The following ADARB2 variants were observed in gnomAD, a reference collection of about 807,000 sequenced individuals.
The protein encoded by ADARB2 is adenosine deaminase RNA specific B2 (inactive).
A neutral mutation model predicts 62.2 loss-of-function variants in ADARB2; 25 were observed. The ratio of observed to expected loss-of-function variants is 0.40; its 90% CI spans 0.29 to 0.56. The LOEUF is 0.56. ADARB2 is among the 20% of genes least tolerant of loss of function. The pLI, the probability that ADARB2 is intolerant of heterozygous loss-of-function variation, is 0.43. For missense variants in ADARB2, 1,071 were observed against 1,077.4 expected, an observed-to-expected ratio of 0.99 and a Z score of 0.08; for synonymous variants, 572 against 500.8, an observed-to-expected ratio of 1.14 and a Z score of -1.90.
intron 1 of ADARB2, among the ~76,000 whole-genome samples, chr10:1,415,198 TGGTGGATGGATG>T (rs1187413787): frequency 3.3e-5 from 5 of 150,798 alleles, no homozygotes; most frequent in African/African-American, 1.2e-4. Flanking sequence ...GGTGAACAGA[TGGTGGATGGATG>T]GGTGGATGGG....
intron 1 of ADARB2, among the ~76,000 whole-genome samples, chr10:1,658,309 CTCTA>C (rs1173730172): frequency 3.3e-5 from 5 of 152,008 alleles, no homozygotes; most frequent in South Asian, 2.1e-4. Flanking sequence ...TTCTGTCTCT[CTCTA>C]TCTGATTCTG....
intron 1 of ADARB2, among the ~76,000 whole-genome samples, chr10:1,672,492 TGCC>T (rs1433586813): frequency 6.6e-6 from 1 of 152,176 alleles, no homozygotes; most frequent in African/African-American, 2.4e-5. Flanking sequence ...CTCTGACGGA[TGCC>T]GCCTCCAGGC....
chr10:1,282,033 C>G (rs948847401), intron 3 of ADARB2, among the ~76,000 whole-genome samples: 1 of 152,184 alleles, frequency 6.6e-6, no homozygotes, highest in Non-Finnish European at 1.5e-5. Flanking sequence ...TTTCCCATGA[C>G]GGCTTCAGCA....
chr10:1,703,069 C>T (rs558421528), intron 1 of ADARB2, among the ~76,000 whole-genome samples: 31 of 152,262 alleles, frequency 2.0e-4, no homozygotes, highest in African/African-American at 6.7e-4. Flanking sequence ...TGTGGGATAG[C>T]GAGTTGCATG....
intron 1 of ADARB2, among the ~76,000 whole-genome samples, chr10:1,440,036 C>T (rs1830885759): frequency 6.6e-6 from 1 of 150,892 alleles, no homozygotes; most frequent in South Asian, 2.1e-4. Context: ...GATGGGGCTC[C>T]TGAGTCTCCT....
intron 1 of ADARB2, among the ~76,000 whole-genome samples, chr10:1,583,875 T>C (rs1215394218): frequency 6.6e-6 from 1 of 151,810 alleles, no homozygotes; most frequent in Non-Finnish European, 1.5e-5. Context: ...AAATACAGGG[T>C]TAGGGTTAAG....
intron 1 of ADARB2, among the ~76,000 whole-genome samples, chr10:1,617,606 T>C (rs1833658274): frequency 1.4e-5 from 2 of 146,690 alleles, no homozygotes; most frequent in African/African-American, 5.1e-5. Context: ...CCTGCTGAGC[T>C]CTGCATCCTG....
intron 4 of ADARB2, among the ~76,000 whole-genome samples, chr10:1,249,862 G>T (rs985117126): frequency 6.6e-6 from 1 of 151,726 alleles, no homozygotes; most frequent in African/African-American, 2.4e-5. Flanking sequence ...CAATGAGAGA[G>T]CTTAATATGG....
chr10:1,335,923 C>CATT (rs1831971630), intron 3 of ADARB2, among the ~76,000 whole-genome samples: 1 of 152,218 alleles, frequency 6.6e-6, no homozygotes, highest in South Asian at 2.1e-4. Context: ...TTGAATAGTG[C>CATT]TAAATGGGTC....
At position 1,178,526 on chromosome 10, in the gene ADARB2, C is replaced by T. The variant is rs1016167284; in HGVS notation, c.*4667G>A. ...CAGTGTTTCCAGAAACAGCCCTGCT[C>T]CTGCAGTGGCGAGGAACCCAGACAG... On this transcript the variant is annotated 3_prime_UTR_variant, in exon 10 of 10. Coordinates refer to ENST00000381312, the MANE Select transcript of ADARB2 (RefSeq NM_018702.4). The T allele has an allele frequency of 6.6e-6, 1 of 152,252 alleles. No homozygotes were observed. The highest frequency in any genetic ancestry group is 2.1e-4 in the South Asian group (1 of 4,830). 9.4% of individuals were successfully genotyped at this position (152,252 alleles called of 1,614,324 possible).
intron 1 of ADARB2, among the ~76,000 whole-genome samples, chr10:1,659,737 G>A (rs928061825): frequency 2.6e-5 from 4 of 152,098 alleles, no homozygotes; most frequent in Non-Finnish European, 4.4e-5. Context: ...TAGTTCCTCC[G>A]CCTGCCTTCC....
At chr10:1,246,834 T>G (rs1384750349) in intron 4 of ADARB2, among the ~76,000 whole-genome samples, 4 of 151,786 alleles carry the variant, frequency 2.6e-5, no homozygotes, top group Admixed American at 1.3e-4. Context: ...CTTTTTTGGT[T>G]CCATATGAAC....
At chr10:1,500,994 C>T (rs563171792) in intron 1 of ADARB2, among the ~76,000 whole-genome samples, 3 of 152,334 alleles carry the variant, frequency 2.0e-5, no homozygotes, top group African/African-American at 4.8e-5. Flanking sequence ...CCTGCCTTAG[C>T]CTCCCAAGTA....
At chr10:1,504,301 C>T (rs12243246) in intron 1 of ADARB2, among the ~76,000 whole-genome samples, 23,614 of 152,178 alleles carry the variant, frequency 0.16, 2,419 homozygotes, top group East Asian at 0.32. Context: ...CTTCACAGCC[C>T]ACAAGCCAGT....
At chr10:1,369,033 C>T (rs10794742) in intron 2 of ADARB2, among the ~76,000 whole-genome samples, 69,641 of 94,980 alleles carry the variant, frequency 0.73, 28,471 homozygotes, top group Non-Finnish European at 0.97. Flanking sequence ...GTCCAGGTGC[C>T]GCCCCTGGCG....
chr10:1,258,361 G>A (rs1028703320), intron 4 of ADARB2, among the ~76,000 whole-genome samples: 14 of 152,088 alleles, frequency 9.2e-5, no homozygotes, highest in Non-Finnish European at 1.6e-4. Context: ...GGCACAGACT[G>A]GCAAATTGGA....
At chr10:1,580,520 A>C (rs1833081986) in intron 1 of ADARB2, among the ~76,000 whole-genome samples, 1 of 133,516 alleles carries the variant, frequency 7.5e-6, no homozygotes, top group Non-Finnish European at 1.6e-5. Flanking sequence ...TTTTTTAGAG[A>C]TTTCATTTTA....
chr10:1,333,612 T>C (rs1831948287), intron 3 of ADARB2, among the ~76,000 whole-genome samples: 1 of 152,182 alleles, frequency 6.6e-6, no homozygotes, highest in Non-Finnish European at 1.5e-5. Flanking sequence ...AAAGTGTGTA[T>C]GTGTAACAGA....
intron 1 of ADARB2, among the ~76,000 whole-genome samples, chr10:1,721,878 G>T (rs1000568721): frequency 1.3e-5 from 2 of 152,160 alleles, no homozygotes; most frequent in African/African-American, 4.8e-5. Context: ...CTGCCCCCTT[G>T]TCGAAGTTCA....
Sources: gnomAD v4.1 joint callset for allele counts (sites outside exome capture counted in the v4.1 genomes callset) on GRCh38, gnomAD v4.1.1 for gene constraint, MANE v1.5 for transcripts, NCBI Gene and HGNC (gene_info 2026-07-23, HGNC 2026-07-21) for gene names.